The following LEMD1 variants were observed in gnomAD, a reference collection of about 807,000 sequenced individuals.
LEMD1 encodes LEM domain containing 1.
In LEMD1, 18 loss-of-function variants were observed where a neutral mutation model predicts 17.4. The ratio of observed to expected loss-of-function variants is 1.04; its 90% confidence interval spans 0.72 to 1.54. The LOEUF is 1.54. Among genes scored for constraint, LEMD1 ranks in the 40% most tolerant of loss-of-function variants. The probability of loss-of-function intolerance (pLI) is 0.00; values close to 1 mark genes in which losing one functional copy is unlikely to be tolerated. For missense variants in LEMD1, 195 were observed against 210.4 expected, an observed-to-expected ratio of 0.93 and a Z score of 0.45; for synonymous variants, 88 against 77.8, an observed-to-expected ratio of 1.13 and a Z score of -0.69.
intron 4 of LEMD1, among the ~76,000 whole-genome samples, chr1:205,408,617 C>T (rs1005583229): frequency 6.6e-6 from 1 of 151,396 alleles, no homozygotes; most frequent in African/African-American, 2.4e-5. Context: ...TTCACCTTGG[C>T]CTCCCAAGTA....
At position 205,411,670 on chromosome 1, in the gene LEMD1, GA is replaced by G. The variant is rs1163900903; in HGVS notation, c.270+4561del. ...GAAAGAAAGGAAAGAAAGAAAGAAA[GA>G]AAAGAAAGAAAGAAAGAAAGAAAGA... On this transcript the variant is annotated intron_variant, in intron 4 of 5. Transcript: ENST00000367153. Among the ~76,000 whole-genome samples, 698 of 127,020 alleles carry G rather than the reference GA, an allele frequency of 5.5e-3. 7 individuals are homozygous for G. The highest frequency in any genetic ancestry group is 0.022 in the Middle Eastern group (6 of 270). The allele number at this position is 127,020 out of a possible 152,430, so 83.3% of individuals were successfully genotyped here. A position where few individuals can be genotyped will look rare whatever the true frequency, so the allele number is the denominator to read the frequency against.
At position 205,448,329 on chromosome 1, in the gene LEMD1, G is replaced by A. The variant is rs1409757929; in HGVS notation, c.-39+1539C>T. ...AGCTCGCCCCTCACTGTAGCCCATG[G>A]CTTTTAGCCCTACATGAGTTTGGGA... is the stretch of plus-strand genomic sequence containing the variant. On this transcript the variant is annotated intron_variant, in intron 1 of 3. Transcript: ENST00000367154. The surrounding 1 kb of genome is among the most constrained non-coding windows in gnomAD (Gnocchi z 4.7). 2 of 533,876 alleles carry A rather than the reference G, an allele frequency of 3.7e-6. 1 individual carries two copies. The highest frequency in any genetic ancestry group is 3.9e-5 in the Admixed American group (2 of 51,572). The allele number at this position is 533,876 out of a possible 1,614,324, so 33.1% of individuals were successfully genotyped here. A position where few individuals can be genotyped will look rare whatever the true frequency, so the allele number is the denominator to read the frequency against.
At chr1:205,427,497 G>C (rs1385253947) in intron 1 of LEMD1, among the ~76,000 whole-genome samples, 1 of 151,800 alleles carries the variant, frequency 6.6e-6, no homozygotes, top group Middle Eastern at 3.4e-3. Context: ...GAGAGAGAGA[G>C]AGAGAGAGAG....
At chr1:205,446,966 C>T (rs191000487) in intron 1 of LEMD1, among the ~76,000 whole-genome samples, 251 of 152,334 alleles carry the variant, frequency 1.6e-3, no homozygotes, top group African/African-American at 5.8e-3. Flanking sequence ...AAAGGAAAAC[C>T]AGTGATGGAC....
chr1:205,411,473 G>T (rs1161718307), intron 4 of LEMD1, among the ~76,000 whole-genome samples: 1 of 150,940 alleles, frequency 6.6e-6, no homozygotes, highest in African/African-American at 2.4e-5. Flanking sequence ...GGAGAATGGC[G>T]TGAACCCGGG....
intron 1 of LEMD1, among the ~76,000 whole-genome samples, chr1:205,431,418 A>C (rs1666123986): frequency 6.6e-6 from 1 of 152,268 alleles, no homozygotes; most frequent in African/African-American, 2.4e-5. Flanking sequence ...ACTTGAGCAC[A>C]GGCTATCTGA....
chr1:205,425,262 C>T (rs1022268024), upstream of LEMD1, among the ~76,000 whole-genome samples: 7 of 152,168 alleles, frequency 4.6e-5, no homozygotes, highest in South Asian at 2.1e-4. Context: ...TATTTGGCTT[C>T]GGAATTAATT....
At chr1:205,438,554 A>G (rs973470545) in intron 1 of LEMD1, among the ~76,000 whole-genome samples, 3 of 152,270 alleles carry the variant, frequency 2.0e-5, no homozygotes, top group Non-Finnish European at 2.9e-5. Context: ...TAAAAGGAGC[A>G]AAGTCCCCAT....
intron 1 of LEMD1, among the ~76,000 whole-genome samples, chr1:205,432,894 C>T (rs1229050942): frequency 2.0e-5 from 3 of 152,072 alleles, no homozygotes; most frequent in Non-Finnish European, 4.4e-5. Flanking sequence ...GCTTGTAGTC[C>T]CAGCTACTCA....
intron 1 of LEMD1, among the ~76,000 whole-genome samples, chr1:205,442,334 T>G (rs947715241): frequency 1.2e-4 from 19 of 152,340 alleles, no homozygotes; most frequent in African/African-American, 4.1e-4. Flanking sequence ...AGAGATTGCA[T>G]AGGATGTCCT....
intron 3 of LEMD1, among the ~76,000 whole-genome samples, chr1:205,417,256 G>C (rs193288688): frequency 1.8e-3 from 274 of 152,332 alleles, no homozygotes; most frequent in Admixed American, 3.9e-3. Flanking sequence ...AGTTGGCTTA[G>C]ATCAGGTAGG....
intron 4 of LEMD1, among the ~76,000 whole-genome samples, chr1:205,402,082 A>T (rs1416970751): frequency 6.6e-6 from 1 of 152,178 alleles, no homozygotes; most frequent in Non-Finnish European, 1.5e-5. Flanking sequence ...TGGTACCAGT[A>T]TCATGCTGTT....
chr1:205,395,594 C>CA (rs11365761), intron 4 of LEMD1, among the ~76,000 whole-genome samples: 45 of 129,236 alleles, frequency 3.5e-4, no homozygotes, highest in African/African-American at 1.1e-3. Flanking sequence ...AATTCTGTCT[C>CA]AAAAAAAAAA....
intron 4 of LEMD1, among the ~76,000 whole-genome samples, chr1:205,393,697 G>A (rs1370109059): frequency 6.6e-6 from 1 of 151,278 alleles, no homozygotes; most frequent in African/African-American, 2.4e-5. Context: ...AAGGAAAATA[G>A]CAAGTGTTAG....
At chr1:205,411,738 A>G (rs984179145) in intron 4 of LEMD1, among the ~76,000 whole-genome samples, 1 of 152,134 alleles carries the variant, frequency 6.6e-6, no homozygotes, top group Non-Finnish European at 1.5e-5. Context: ...AAAAGAAAAG[A>G]AAGACTGATT....
At chr1:205,397,721 C>A (rs1025075893) in intron 4 of LEMD1, among the ~76,000 whole-genome samples, 20 of 152,256 alleles carry the variant, frequency 1.3e-4, no homozygotes, top group African/African-American at 4.8e-4. Flanking sequence ...ATGGGAGGTA[C>A]AACAGGAAAC....
At position 205,421,998 on chromosome 1, in the gene LEMD1, A is replaced by G. The variant is rs1399699898; in HGVS notation, c.-47T>C. The G allele has an allele frequency of 6.6e-6, 1 of 152,200 alleles. No individual in the cohort carries two copies. The highest frequency in any genetic ancestry group is 1.5e-5 in the Non-Finnish European group (1 of 68,040). 9.4% of individuals were successfully genotyped at this position (152,200 alleles called of 1,614,324 possible). On this transcript the variant is annotated 5_prime_UTR_variant, in exon 1 of 6. An upstream start codon of the reference 5' UTR is lost. Transcript: ENST00000367153. ...ATGATTAATTCACTTACCCCTTCAC[A>G]TGGTTATCTAAAGTCTATGCAATCG...
At chr1:205,390,635 A>T (rs567124681) in intron 4 of LEMD1, among the ~76,000 whole-genome samples, 2 of 152,216 alleles carry the variant, frequency 1.3e-5, no homozygotes, top group Admixed American at 1.3e-4. Flanking sequence ...ACAATTGCAA[A>T]GAGTTTATTG....
At chr1:205,404,114 A>T (rs1259140759) in intron 4 of LEMD1, among the ~76,000 whole-genome samples, 1 of 152,116 alleles carries the variant, frequency 6.6e-6, no homozygotes, top group Non-Finnish European at 1.5e-5. Context: ...GGAGAGCTTT[A>T]CTTCCAGCTA....
Sources: gnomAD v4.1 joint callset for allele counts (sites outside exome capture counted in the v4.1 genomes callset) on GRCh38, gnomAD v4.1.1 for gene constraint, Gnocchi (gnomAD v3.1) non-coding constraint, MANE v1.5 for transcripts, NCBI Gene and HGNC (gene_info 2026-07-23, HGNC 2026-07-21) for gene names.